NAV2: variants seen among roughly 807,000 people sequenced by gnomAD.
NAV2 encodes helicase, APC down-regulated 1.
In NAV2, 54 loss-of-function variants were observed where a neutral mutation model predicts 223.2. The observed-to-expected ratio is 0.24, with a 90% CI of 0.19 to 0.30. The LOEUF is 0.30. NAV2 is among the 10% of genes least tolerant of loss of function. NAV2 has a pLI of 1.00. For synonymous variants in NAV2, 1,279 were observed against 1,239.3 expected (o/e 1.03, Z -0.67); for missense variants, 2,806 against 3,147.5 (o/e 0.89, Z 2.60).
Position 19,472,051 on chromosome 11 carries a change from C to T in NAV2, c.75+121024C>T, listed in dbSNP as rs141123573. 3.3e-4 allele frequency among the ~76,000 whole-genome samples: 50 copies of T among 152,308 alleles called. 2 individuals carry two copies. Among genetic ancestry groups the T allele is most frequent in the African/African-American group, 1.1e-3 (46 of 41,554 alleles). On this transcript the variant is annotated intron_variant, in intron 1 of 37. Coordinates refer to the NAV2 transcript ENST00000360655. Reference sequence around the variant, plus strand: ...ATTATGTATATCTTAATTCCTTAGTCCTGCTCTTAGCTTCATTACTCCTGT... The same window carrying T: ...ATTATGTATATCTTAATTCCTTAGTTCTGCTCTTAGCTTCATTACTCCTGT...
chr11:19,549,689 A>T (rs1198574090), intron 1 of NAV2, among the ~76,000 whole-genome samples: 1 of 152,238 alleles, frequency 6.6e-6, no homozygotes, highest in African/African-American at 2.4e-5. Context: ...ATTCCACGGG[A>T]GTGGTGTGCT....
chr11:19,704,133 T>C (rs573828453), intron 1 of NAV2, among the ~76,000 whole-genome samples: 4 of 152,242 alleles, frequency 2.6e-5, no homozygotes, highest in African/African-American at 9.6e-5. Context: ...CAGATGAACA[T>C]AGCAGGAAGC....
At chr11:19,376,410 A>G (rs774537957) in intron 1 of NAV2, among the ~76,000 whole-genome samples, 3 of 152,336 alleles carry the variant, frequency 2.0e-5, no homozygotes, top group Non-Finnish European at 2.9e-5. Context: ...ACCTTGAGAC[A>G]GGTACACTTA....
At chr11:19,716,003 T>A (rs1402126878) in intron 1 of NAV2, among the ~76,000 whole-genome samples, 2 of 152,172 alleles carry the variant, frequency 1.3e-5, no homozygotes, top group African/African-American at 4.8e-5. Flanking sequence ...CCAATGGGAT[T>A]TTACCTTCTT....
At chr11:20,111,832 A>G (rs989591822) in intron 36 of NAV2, among the ~76,000 whole-genome samples, 1 of 152,240 alleles carries the variant, frequency 6.6e-6, no homozygotes, top group Non-Finnish European at 1.5e-5. Context: ...GCTGGTTTCT[A>G]TGAAGCCCAA....
At chr11:19,483,186 G>T (rs1449203188) in intron 1 of NAV2, among the ~76,000 whole-genome samples, 1 of 152,220 alleles carries the variant, frequency 6.6e-6, no homozygotes, top group Non-Finnish European at 1.5e-5. Context: ...CATGGTTTCA[G>T]TTACCTGTGG....
At chr11:19,654,835 G>A (rs2048073684) in intron 1 of NAV2, among the ~76,000 whole-genome samples, 1 of 152,154 alleles carries the variant, frequency 6.6e-6, no homozygotes, top group South Asian at 2.1e-4. Context: ...GCATGGGCAA[G>A]GACTTCATCT....
intron 26 of NAV2, among the ~76,000 whole-genome samples, chr11:20,088,307 A>T (rs1299598077): frequency 6.6e-6 from 1 of 152,144 alleles, no homozygotes; most frequent in East Asian, 1.9e-4. Context: ...CCTCCTGAGT[A>T]GCCGGGATTA....
intron 1 of NAV2, among the ~76,000 whole-genome samples, chr11:19,819,010 C>A (rs144751524): frequency 0.01 from 1,546 of 152,266 alleles, 11 homozygotes; most frequent in South Asian, 0.017. Flanking sequence ...TCTGTTTACC[C>A]AGATCTTCCT....
intron 6 of NAV2, among the ~76,000 whole-genome samples, chr11:19,927,817 T>C (rs962504143): frequency 2.6e-5 from 4 of 152,232 alleles, no homozygotes; most frequent in Non-Finnish European, 5.9e-5. Flanking sequence ...TTGATATTTT[T>C]CAGTTTAACA....
intron 1 of NAV2, among the ~76,000 whole-genome samples, chr11:19,695,965 C>T (rs2049326932): frequency 1.3e-5 from 2 of 150,202 alleles, no homozygotes; most frequent in Admixed American, 1.3e-4. Context: ...TGACTAAGGC[C>T]TTGTTCACTG....
intron 1 of NAV2, among the ~76,000 whole-genome samples, chr11:19,622,632 TC>T (rs1293399605): frequency 6.6e-6 from 1 of 152,184 alleles, no homozygotes; most frequent in Non-Finnish European, 1.5e-5. Flanking sequence ...TCTTCCTCCA[TC>T]CCTTTATTTT....
intron 1 of NAV2, among the ~76,000 whole-genome samples, chr11:19,779,281 A>G (rs2056549456): frequency 6.6e-6 from 1 of 152,224 alleles, no homozygotes; most frequent in Non-Finnish European, 1.5e-5. Context: ...CTGAGGGAGT[A>G]GCAGTTTCTG....
rs1010298160 is a variant in NAV2 at position 19,815,021 on chromosome 11, C to G, written c.268-17463C>G. On this transcript the variant is annotated intron_variant, in intron 1 of 37. Transcript: ENST00000349880. ...TCTATACAGCTGACCTTGGAGTGAT[C>G]TATTATAAAAACGTTTAAACCCGCA... Among the ~76,000 whole-genome samples the G allele has an allele frequency of 2.6e-5, 4 of 152,022 alleles. No individual in the cohort carries two copies. The East Asian group carries it at 7.7e-4, about 29-fold the overall frequency.
intron 1 of NAV2, among the ~76,000 whole-genome samples, chr11:19,414,397 A>G (rs1332827314): frequency 2.6e-5 from 4 of 152,250 alleles, no homozygotes; most frequent in African/African-American, 9.6e-5. Context: ...AGAGCTAACT[A>G]TCCTAAATAT....
At chr11:19,350,931 G>A (rs1190335808) in exon 1 of NAV2, 2 of 1,550,988 alleles carry the variant, frequency 1.3e-6, no homozygotes, top group Non-Finnish European at 1.7e-6. Flanking sequence ...CTGAAGGAGA[G>A]AGAGGATTTT....
chr11:19,860,740 C>T (rs2061714596), intron 3 of NAV2, among the ~76,000 whole-genome samples: 1 of 152,104 alleles, frequency 6.6e-6, no homozygotes, highest in Non-Finnish European at 1.5e-5. Context: ...GCCTGGGCAC[C>T]ATTGAGCACT....
At chr11:20,043,195 T>A (rs1481435537) in intron 12 of NAV2, among the ~76,000 whole-genome samples, 1 of 152,172 alleles carries the variant, frequency 6.6e-6, no homozygotes, top group Non-Finnish European at 1.5e-5. Flanking sequence ...TTGCTTGGTG[T>A]GTTAGATCCA....
chr11:19,584,971 C>A (rs187621499), intron 1 of NAV2, among the ~76,000 whole-genome samples: 1 of 86,740 alleles, frequency 1.2e-5, no homozygotes, highest in African/African-American at 4.0e-5. Flanking sequence ...CTAATGTTGA[C>A]AGTGGGGTGT....
Sources: allele counts gnomAD v4.1 joint callset (sites outside exome capture counted in the v4.1 genomes callset), GRCh38; gene constraint gnomAD v4.1.1; transcripts MANE v1.5; gene names NCBI Gene and HGNC (gene_info 2026-07-23, HGNC 2026-07-21).